PRUNE2: variants seen among roughly 807,000 people sequenced by gnomAD.
PRUNE2 encodes protein prune homolog 2.
PRUNE2 carries 164 observed loss-of-function variants against 252.0 expected under a neutral mutation model. The observed-to-expected ratio is 0.65, with a 90% CI of 0.57 to 0.74. The LOEUF (loss-of-function observed/expected upper bound fraction) is 0.74. Among genes scored for constraint, PRUNE2 ranks in the 30% least tolerant of loss-of-function variants. The pLI is 0.00. For missense variants in PRUNE2, 3,495 were observed against 3,711.0 expected (o/e 0.94, Z 1.51); for synonymous variants, 1,292 against 1,350.2 (o/e 0.96, Z 0.94).
intron 9 of PRUNE2, among the ~76,000 whole-genome samples, chr9:76,656,677 C>T (rs1022711864): frequency 6.6e-6 from 1 of 152,074 alleles, no homozygotes; most frequent in African/African-American, 2.4e-5. Flanking sequence ...CAAAACAGAC[C>T]CGTCTCATTC....
intron 6 of PRUNE2, among the ~76,000 whole-genome samples, chr9:76,718,383 G>A (rs887284842): frequency 2.6e-5 from 4 of 152,078 alleles, no homozygotes; most frequent in African/African-American, 9.7e-5. Context: ...CCCCTGGTGG[G>A]GGATCTGGCT....
In PRUNE2 at chr9:76,850,660, A is replaced by T; in HGVS notation, c.147T>A (p.Ser49Arg). 6.2e-7 allele frequency: 1 copy of T among 1,612,406 alleles called. No homozygotes were observed. The highest frequency in any genetic ancestry group is 1.7e-5 in the Admixed American group (1 of 59,904). The change falls in exon 3 of 19, where the codon AGT (serine) becomes AGA (arginine). Residue 49 changes from serine to arginine, a missense_variant. Physicochemically the swap from Ser to Arg is moderately radical, Grantham distance 110 (BLOSUM62 -1). Coordinates refer to ENST00000376718, the MANE Select transcript of PRUNE2 (RefSeq NM_015225.3). ...FTYAYFLDKVSPPGVLCLPVL... is the reference protein window; with the variant it reads ...FTYAYFLDKVRPPGVLCLPVL... ...CTGGTAAACACAGAACCCCTGGTGG[A>T]CTGACCTACCAAGAAAAAAGTTGAC...
intron 1 of PRUNE2, among the ~76,000 whole-genome samples, chr9:76,893,994 T>C (rs1470468391): frequency 6.6e-6 from 1 of 152,176 alleles, no homozygotes; most frequent in Non-Finnish European, 1.5e-5. Context: ...AGAAGAAAGA[T>C]TCACCTAGGG....
At chr9:76,827,715 A>G (rs1054047235) in intron 4 of PRUNE2, among the ~76,000 whole-genome samples, 11 of 152,182 alleles carry the variant, frequency 7.2e-5, no homozygotes, top group Admixed American at 7.2e-4. Flanking sequence ...ATCCAAACAC[A>G]TGGCCTGAGA....
At chr9:76,826,765 T>G (rs1279901525) in intron 4 of PRUNE2, 33 bp from the exon 5 acceptor site, 3 of 1,537,774 alleles carry the variant, frequency 2.0e-6, no homozygotes, top group Non-Finnish European at 2.6e-6. Flanking sequence ...CTCTTAAAGC[T>G]TTCCAGCCAA....
intron 9 of PRUNE2, among the ~76,000 whole-genome samples, chr9:76,686,620 GT>G (rs948218948): frequency 8.6e-5 from 13 of 151,926 alleles, no homozygotes; most frequent in Admixed American, 6.6e-4. Context: ...ATGCCTGGCT[GT>G]TTTAAAAAAA....
At chr9:76,763,257 A>C (rs565205925) in intron 6 of PRUNE2, among the ~76,000 whole-genome samples, 28 of 152,366 alleles carry the variant, frequency 1.8e-4, no homozygotes, top group Admixed American at 1.1e-3. Context: ...CATCCATAAA[A>C]TGGGATCATA....
At chr9:76,632,957 C>G (rs767580480) in intron 15 of PRUNE2, among the ~76,000 whole-genome samples, 2 of 152,204 alleles carry the variant, frequency 1.3e-5, no homozygotes, top group Non-Finnish European at 2.9e-5. Context: ...CGCAGTGTCT[C>G]GTACCTGTAG....
intron 1 of PRUNE2, among the ~76,000 whole-genome samples, chr9:76,871,246 T>C (rs2061179550): frequency 6.6e-6 from 1 of 152,252 alleles, no homozygotes; most frequent in African/African-American, 2.4e-5. Flanking sequence ...GTATCTGTAC[T>C]GAACATATGC....
rs559048311 is a variant in PRUNE2 at position 76,760,731 on chromosome 9, C to T, written c.757-47010G>A. On this transcript the variant is annotated intron_variant, in intron 6 of 18. Coordinates refer to ENST00000376718, the MANE Select transcript of PRUNE2 (RefSeq NM_015225.3). ...TAGACTCACTCTACTTCAACCAAGC[C>T]GAAAACCCTGGCTCTCTACATGCAT... Among the ~76,000 whole-genome samples, 13 of 152,234 alleles carry T rather than the reference C, an allele frequency of 8.5e-5. No homozygotes were observed. In the South Asian group the frequency reaches 2.3e-3, roughly 27 times the overall value.
At chr9:76,828,741 C>T (rs908461543) in intron 4 of PRUNE2, among the ~76,000 whole-genome samples, 9 of 152,080 alleles carry the variant, frequency 5.9e-5, no homozygotes, top group Non-Finnish European at 8.8e-5. Flanking sequence ...TCCAGCCGGG[C>T]GCAGCGGCTC....
At chr9:76,807,267 T>G (rs1021138108) in intron 6 of PRUNE2, among the ~76,000 whole-genome samples, 53 of 151,790 alleles carry the variant, frequency 3.5e-4, no homozygotes, top group African/African-American at 1.2e-3. Context: ...GAGATAAGAA[T>G]CTCCCTATGT....
intron 11 of PRUNE2, among the ~76,000 whole-genome samples, chr9:76,646,962 T>C (rs987631506): frequency 1.3e-5 from 2 of 152,058 alleles, no homozygotes; most frequent in African/African-American, 4.8e-5. Flanking sequence ...CCAAGGCAGG[T>C]GGATCACTTG....
intron 6 of PRUNE2, among the ~76,000 whole-genome samples, chr9:76,777,716 G>A (rs1240535744): frequency 1.3e-5 from 2 of 152,188 alleles, no homozygotes; most frequent in African/African-American, 4.8e-5. Flanking sequence ...TGATGGGGCA[G>A]TGCAGAAAAA....
chr9:76,879,698 C>T (rs2061653434), intron 1 of PRUNE2, among the ~76,000 whole-genome samples: 1 of 151,286 alleles, frequency 6.6e-6, no homozygotes, highest in Non-Finnish European at 1.5e-5. Context: ...AGTAAGGCCC[C>T]AAAGGAAGTG....
At chr9:76,804,554 C>T (rs1246372730) in intron 6 of PRUNE2, among the ~76,000 whole-genome samples, 4 of 152,188 alleles carry the variant, frequency 2.6e-5, no homozygotes, top group Non-Finnish European at 5.9e-5. Context: ...AAGGTGTCTT[C>T]CATGTGCCCT....
chr9:76,697,350 T>C (rs1466675561), intron 9 of PRUNE2, among the ~76,000 whole-genome samples: 1 of 152,146 alleles, frequency 6.6e-6, no homozygotes, highest in Non-Finnish European at 1.5e-5. Context: ...ATACCACACC[T>C]ATAAATATTT....
At chr9:76,700,307 G>A (rs530582972) in intron 9 of PRUNE2, 1 of 152,294 alleles carries the variant, frequency 6.6e-6, no homozygotes, top group South Asian at 2.1e-4. Flanking sequence ...TATTTAAGAA[G>A]AGGCTTTCTT....
At chr9:76,684,273 A>G (rs894361265) in intron 9 of PRUNE2, among the ~76,000 whole-genome samples, 2 of 152,122 alleles carry the variant, frequency 1.3e-5, no homozygotes, top group African/African-American at 2.4e-5. Context: ...GGCAACCACC[A>G]TTCTACTCTA....
Sources: allele counts gnomAD v4.1 joint callset (sites outside exome capture counted in the v4.1 genomes callset), GRCh38; gene constraint gnomAD v4.1.1; transcripts MANE v1.5; gene names NCBI Gene and HGNC (gene_info 2026-07-23, HGNC 2026-07-21).